Variants in DDC observed in about 807,000 individuals in gnomAD.
DDC encodes the protein dopa decarboxylase, also known as aromatic-L-amino-acid decarboxylase.
In DDC, 43 loss-of-function variants were observed where a neutral mutation model predicts 60.0. The ratio of observed to expected loss-of-function variants is 0.72; its 90% confidence interval spans 0.56 to 0.92. The LOEUF (loss-of-function observed/expected upper bound fraction) is 0.92, where lower values mean the gene tolerates loss of function less well. DDC is among the 40% of genes least tolerant of loss of function. DDC has a pLI of 0.00. For synonymous variants in DDC, 232 were observed against 234.6 expected (o/e 0.99, Z 0.10); for missense variants, 573 against 620.2 (o/e 0.92, Z 0.81).
chr7:50,540,875 G>T (rs2044608253), intron 2 of DDC, among the ~76,000 whole-genome samples: 1 of 152,184 alleles, frequency 6.6e-6, no homozygotes, highest in Non-Finnish European at 1.5e-5. Flanking sequence ...GGACACCCAG[G>T]CAGGGAACAT....
chr7:50,519,496 C>T (rs1474577087), intron 6 of DDC, among the ~76,000 whole-genome samples: 2 of 152,156 alleles, frequency 1.3e-5, no homozygotes, highest in African/African-American at 4.8e-5. Flanking sequence ...CAACCAAATG[C>T]CCATCAATCA....
chr7:50,535,741 C>T (rs1009397231), intron 4 of DDC, among the ~76,000 whole-genome samples: 1 of 152,236 alleles, frequency 6.6e-6, no homozygotes, highest in Admixed American at 6.5e-5. Context: ...TTAATGCACC[C>T]TCATTCCCAG....
chr7:50,510,057 G>A (rs919999098), intron 6 of DDC, among the ~76,000 whole-genome samples: 3 of 151,778 alleles, frequency 2.0e-5, no homozygotes, highest in East Asian at 1.9e-4. Context: ...TGCAAGCTCC[G>A]CCTCCCGGGG....
At chr7:50,461,661 C>A (rs1219289777) in intron 14 of DDC, among the ~76,000 whole-genome samples, 2 of 152,194 alleles carry the variant, frequency 1.3e-5, no homozygotes, top group Non-Finnish European at 2.9e-5. Flanking sequence ...GAGTCGGGAG[C>A]GTTTGCCTGA....
At chr7:50,539,125 G>C (rs954171037) in intron 3 of DDC, 2 of 152,898 alleles carry the variant, frequency 1.3e-5, no homozygotes, top group African/African-American at 4.8e-5. Context: ...ATGCCACATA[G>C]ACCGATGCCC....
intron 6 of DDC, among the ~76,000 whole-genome samples, chr7:50,520,890 T>G (rs1030931436): frequency 4.0e-5 from 6 of 149,890 alleles, no homozygotes; most frequent in African/African-American, 1.5e-4. Flanking sequence ...AGAGTAAGAC[T>G]CTGTCTCAGA....
chr7:50,541,862 T>C (rs1245096530), intron 2 of DDC, among the ~76,000 whole-genome samples: 1 of 152,218 alleles, frequency 6.6e-6, no homozygotes, highest in Non-Finnish European at 1.5e-5. Flanking sequence ...CAACCCCCTC[T>C]GATTGTGAAG....
chr7:50,558,707 T>C (rs2045260615), intron 1 of DDC, among the ~76,000 whole-genome samples: 1 of 150,110 alleles, frequency 6.7e-6, no homozygotes. Flanking sequence ...GCCAGCATTT[T>C]CCTAACACAC....
At chr7:50,515,315 A>T (rs1415809120) in intron 6 of DDC, among the ~76,000 whole-genome samples, 3 of 152,224 alleles carry the variant, frequency 2.0e-5, no homozygotes, top group Non-Finnish European at 4.4e-5. Context: ...ACTAAGCATC[A>T]TATATGAAGG....
intron 6 of DDC, among the ~76,000 whole-genome samples, chr7:50,521,545 TA>T (rs201577997): frequency 3.9e-5 from 6 of 151,946 alleles, no homozygotes; most frequent in African/African-American, 1.2e-4. Flanking sequence ...TCCAACAATG[TA>T]AAAAAAATTA....
rs2153555223 is a variant in DDC, at chr7:50,565,265, G to A, written c.-29+20C>T. On this transcript the variant is annotated intron_variant, in intron 1 of 14. Coordinates refer to ENST00000444124, the MANE Select transcript of DDC (RefSeq NM_001082971.2). ...TTTTCCACTACTACAATCTGAGTAGGTATAAAATCAGAGACTTACATGCTG... is the reference window on the plus strand; with the variant it reads ...TTTTCCACTACTACAATCTGAGTAGATATAAAATCAGAGACTTACATGCTG... The A allele has an allele frequency of 6.6e-6, 1 of 152,334 alleles. No homozygotes were observed. The highest frequency in any genetic ancestry group is 1.5e-5 in the Non-Finnish European group (1 of 68,026). The allele number at this position is 152,334 out of a possible 1,614,324, so 9.4% of individuals were successfully genotyped here. A position where few individuals can be genotyped will look rare whatever the true frequency, so the allele number is the denominator to read the frequency against.
intron 12 of DDC, among the ~76,000 whole-genome samples, chr7:50,468,485 C>T (rs1490667011): frequency 6.6e-6 from 1 of 152,158 alleles, no homozygotes; most frequent in Non-Finnish European, 1.5e-5. Flanking sequence ...ATTTCCTACC[C>T]AGGAATTCAT....
At chr7:50,536,844 T>A (rs4947634) in intron 4 of DDC, among the ~76,000 whole-genome samples, 2,705 of 152,320 alleles carry the variant, frequency 0.018, 159 homozygotes, top group Admixed American at 0.11. Flanking sequence ...AGTGTGTGCC[T>A]CACTGTCCTC....
At chr7:50,525,592 C>T (rs1262249873) in intron 6 of DDC, among the ~76,000 whole-genome samples, 1 of 152,026 alleles carries the variant, frequency 6.6e-6, no homozygotes, top group South Asian at 2.1e-4. Context: ...GATGAGACCC[C>T]GTCTCCACTA....
At chr7:50,495,874 T>C (rs1369243192) in intron 8 of DDC, among the ~76,000 whole-genome samples, 1 of 152,210 alleles carries the variant, frequency 6.6e-6, no homozygotes, top group Non-Finnish European at 1.5e-5. Flanking sequence ...TTGTACTGAT[T>C]TGGCCTGTGG....
intron 1 of DDC, among the ~76,000 whole-genome samples, chr7:50,549,268 G>T (rs530414072): frequency 6.6e-6 from 1 of 152,164 alleles, no homozygotes; most frequent in African/African-American, 2.4e-5. Flanking sequence ...TCATAAGGCT[G>T]CATCTGCCAT....
At chr7:50,558,807 G>A (rs2045263475) in intron 1 of DDC, among the ~76,000 whole-genome samples, 1 of 152,180 alleles carries the variant, frequency 6.6e-6, no homozygotes, top group Non-Finnish European at 1.5e-5. Flanking sequence ...TCTAAACAGG[G>A]CTCTCACTGG....
In DDC at chr7:50,468,172, G is replaced by C. The variant is rs11575516; in HGVS notation, c.1141-857C>G. ...CAGGGGGTGGCTGGGACAAAAACAC[G>C]TGTCATACGAGTGGTTCCTCGTCAT... On this transcript the variant is annotated intron_variant, in intron 12 of 14. Coordinates refer to ENST00000444124, the MANE Select transcript of DDC (RefSeq NM_001082971.2). Among the ~76,000 whole-genome samples, 27 of 152,290 alleles carry C rather than the reference G, an allele frequency of 1.8e-4. No homozygotes were observed. The East Asian group carries it at 4.3e-3, about 24-fold the overall frequency.
At chr7:50,514,425 A>C (rs775383663) in intron 6 of DDC, among the ~76,000 whole-genome samples, 1 of 152,192 alleles carries the variant, frequency 6.6e-6, no homozygotes, top group Admixed American at 6.5e-5. Flanking sequence ...ATGGCTTTTC[A>C]ACACCCCCCA....
Sources: allele counts gnomAD v4.1 joint callset (sites outside exome capture counted in the v4.1 genomes callset), GRCh38; gene constraint gnomAD v4.1.1; transcripts MANE v1.5; gene names NCBI Gene and HGNC (gene_info 2026-07-23, HGNC 2026-07-21).